Variants in ARHGAP44 observed in about 807,000 individuals in gnomAD.
ARHGAP44 encodes rho GTPase-activating protein 44.
Under a neutral mutation model 106.8 loss-of-function variants are expected in ARHGAP44, and 43 were observed. The observed-to-expected ratio is 0.40, with a 90% CI of 0.32 to 0.52. The LOEUF (loss-of-function observed/expected upper bound fraction) is 0.52. ARHGAP44 is among the 20% of genes least tolerant of loss of function. The pLI, the probability that ARHGAP44 is intolerant of heterozygous loss-of-function variation, is 0.48. For synonymous variants in ARHGAP44, 439 were observed against 410.3 expected, an observed-to-expected ratio of 1.07 and a Z score of -0.85; for missense variants, 866 against 1,050.5, an observed-to-expected ratio of 0.82 and a Z score of 2.43.
At chr17:12,879,655 G>T (rs985669984) in intron 1 of ARHGAP44, among the ~76,000 whole-genome samples, 1 of 147,670 alleles carries the variant, frequency 6.8e-6, no homozygotes, top group African/African-American at 2.5e-5. Context: ...TATATTTTAT[G>T]TATGTATAAA....
intron 1 of ARHGAP44, among the ~76,000 whole-genome samples, chr17:12,814,737 G>A (rs1010182775): frequency 4.0e-5 from 6 of 151,758 alleles, no homozygotes; most frequent in African/African-American, 4.8e-5. Flanking sequence ...AATTTTTCAC[G>A]TCTACCTGGC....
chr17:12,886,901 A>AT (rs143076747), intron 1 of ARHGAP44, among the ~76,000 whole-genome samples: 1,460 of 145,500 alleles, frequency 0.01, 17 homozygotes, highest in African/African-American at 0.035. Context: ...AAAAGTATAG[A>AT]TTTTTTCATA....
intron 1 of ARHGAP44, among the ~76,000 whole-genome samples, chr17:12,797,174 G>A (rs2033949677): frequency 6.6e-6 from 1 of 151,940 alleles, no homozygotes; most frequent in South Asian, 2.1e-4. Context: ...TCTATTTGTG[G>A]TTTGTTCTTC....
intron 6 of ARHGAP44, among the ~76,000 whole-genome samples, chr17:12,920,672 C>T (rs566451181): frequency 9.9e-5 from 15 of 152,272 alleles, no homozygotes; most frequent in Admixed American, 2.0e-4. Flanking sequence ...AGGATGGTTG[C>T]TATGTCCTGT....
rs59331390 is a variant in ARHGAP44 at position 12,876,909 on chromosome 17, C to CA, written c.54-18012dup. Among the ~76,000 whole-genome samples, 428 of 90,364 alleles carry CA rather than the reference C, an allele frequency of 4.7e-3. 2 individuals carry two copies. The highest frequency in any genetic ancestry group is 7.0e-3 in the South Asian group (19 of 2,708). The allele number at this position is 90,364 out of a possible 152,430, so 59.3% of individuals were successfully genotyped here. On this transcript the variant is annotated intron_variant, in intron 1 of 20. Transcript: ENST00000379672. ...CTGGTGACAGAGTGAGACTCCGTCT[C>CA]AAAAAAAAAAAAAAAAAAAGAAGAA...
At chr17:12,807,544 G>T (rs111398672) in intron 1 of ARHGAP44, among the ~76,000 whole-genome samples, 3 of 152,156 alleles carry the variant, frequency 2.0e-5, no homozygotes, top group Admixed American at 2.0e-4. Context: ...AAGGGAGTAC[G>T]TATAGGGGAA....
At chr17:12,868,209 C>T (rs537654276) in intron 1 of ARHGAP44, among the ~76,000 whole-genome samples, 75 of 152,200 alleles carry the variant, frequency 4.9e-4, no homozygotes, top group South Asian at 3.3e-3. Flanking sequence ...CTTCTCTCTG[C>T]GTCTTCATAT....
At chr17:12,901,447 G>A (rs1166911397) in intron 3 of ARHGAP44, among the ~76,000 whole-genome samples, 1 of 152,138 alleles carries the variant, frequency 6.6e-6, no homozygotes, top group African/African-American at 2.4e-5. Context: ...GGACTCATGG[G>A]TGGGGCCATG....
At chr17:12,800,095 A>C (rs1006917199) in intron 1 of ARHGAP44, among the ~76,000 whole-genome samples, 1 of 152,242 alleles carries the variant, frequency 6.6e-6, no homozygotes, top group African/African-American at 2.4e-5. Context: ...CCTGGTTGTA[A>C]TAAGCACTCA....
intron 7 of ARHGAP44, among the ~76,000 whole-genome samples, chr17:12,936,045 T>G (rs763595525): frequency 4.6e-5 from 7 of 152,200 alleles, no homozygotes; most frequent in Non-Finnish European, 1.0e-4. Flanking sequence ...TAAACTTTAT[T>G]TTTTAGAGCA....
chr17:12,798,462 C>T (rs970736505), intron 1 of ARHGAP44, among the ~76,000 whole-genome samples: 14 of 151,758 alleles, frequency 9.2e-5, no homozygotes, highest in Middle Eastern at 3.4e-3. Context: ...TAATTTATTC[C>T]GTATATATTT....
At chr17:12,889,306 G>A (rs4575574) in intron 1 of ARHGAP44, among the ~76,000 whole-genome samples, 106,518 of 152,032 alleles carry the variant, frequency 0.7, 37,940 homozygotes, top group East Asian at 0.98. Flanking sequence ...TTTATAAGAA[G>A]CTGAAATTTT....
intron 15 of ARHGAP44, among the ~76,000 whole-genome samples, 162 bp downstream of exon 15, chr17:12,956,908 G>A (rs1236949345): frequency 6.6e-6 from 1 of 151,070 alleles, no homozygotes; most frequent in African/African-American, 2.4e-5. Context: ...CATGCACAAA[G>A]GCACACACGT....
intron 20 of ARHGAP44, among the ~76,000 whole-genome samples, chr17:12,989,212 C>T (rs2040046550): frequency 6.6e-6 from 1 of 151,478 alleles, no homozygotes; most frequent in South Asian, 2.1e-4. Context: ...TGTAGCACAT[C>T]CTGGAGGAGT....
chr17:12,841,888 A>T (rs1329585342), intron 1 of ARHGAP44, among the ~76,000 whole-genome samples: 1 of 152,186 alleles, frequency 6.6e-6, no homozygotes, highest in African/African-American at 2.4e-5. Flanking sequence ...CAAATTTTTC[A>T]GGCACATATA....
chr17:12,806,195 G>A (rs935357607), intron 1 of ARHGAP44, among the ~76,000 whole-genome samples: 1 of 152,148 alleles, frequency 6.6e-6, no homozygotes, highest in Non-Finnish European at 1.5e-5. Context: ...GGTAAATGAG[G>A]TGCTCATGGC....
chr17:12,916,111 C>T (rs1367000176), intron 5 of ARHGAP44, 100 bp downstream of exon 5: 1 of 918,572 alleles, frequency 1.1e-6, no homozygotes, highest in Non-Finnish European at 1.7e-6. Flanking sequence ...TTTCCCTTAA[C>T]CTTCTCCCCA....
intron 1 of ARHGAP44, among the ~76,000 whole-genome samples, chr17:12,865,102 A>C (rs926648645): frequency 3.9e-5 from 6 of 152,214 alleles, no homozygotes; most frequent in African/African-American, 1.2e-4. Flanking sequence ...GTGAATGAAT[A>C]TTTCAAACTA....
chr17:12,862,051 G>C (rs80054998), intron 1 of ARHGAP44, among the ~76,000 whole-genome samples: 1 of 152,124 alleles, frequency 6.6e-6, no homozygotes, highest in African/African-American at 2.4e-5. Context: ...TGCCATGTAA[G>C]GTAACATATT....
Sources: allele counts gnomAD v4.1 joint callset (sites outside exome capture counted in the v4.1 genomes callset), GRCh38; gene constraint gnomAD v4.1.1; transcripts MANE v1.5; gene names NCBI Gene and HGNC (gene_info 2026-07-23, HGNC 2026-07-21).